SDK1: variants seen among roughly 807,000 people sequenced by gnomAD.
SDK1 encodes the protein sidekick cell adhesion molecule 1, also known as protein sidekick-1.
SDK1 carries 157 observed loss-of-function variants against 245.5 expected under a neutral mutation model. The observed-to-expected ratio is 0.64, with a 90% CI of 0.56 to 0.73. The LOEUF is 0.73. Ranked by LOEUF, SDK1 falls within the 30% of genes least tolerant of loss-of-function variation. SDK1 has a pLI of 0.00. For missense variants in SDK1, 3,583 were observed against 3,002.3 expected (o/e 1.19, Z -4.52); for synonymous variants, 1,647 against 1,278.5 (o/e 1.29, Z -6.15).
chr7:4,176,468 C>G (rs772403208), intron 34 of SDK1, among the ~76,000 whole-genome samples: 6 of 152,186 alleles, frequency 3.9e-5, no homozygotes, highest in Non-Finnish European at 7.3e-5. Context: ...TGCACCCAGC[C>G]TTTCTTTTTT....
At chr7:3,955,945 G>A (rs1781224580) in intron 7 of SDK1, among the ~76,000 whole-genome samples, 1 of 152,190 alleles carries the variant, frequency 6.6e-6, no homozygotes, top group Non-Finnish European at 1.5e-5. Flanking sequence ...GCCCCTGGAG[G>A]CAGCTGCCAT....
chr7:3,646,684 A>G (rs1782848960), intron 4 of SDK1, among the ~76,000 whole-genome samples: 1 of 152,212 alleles, frequency 6.6e-6, no homozygotes, highest in Admixed American at 6.5e-5. Flanking sequence ...TTTTCCATAC[A>G]TTGCTCTAGT....
At chr7:3,480,234 T>C (rs1217467039) in intron 1 of SDK1, among the ~76,000 whole-genome samples, 1 of 152,166 alleles carries the variant, frequency 6.6e-6, no homozygotes, top group Non-Finnish European at 1.5e-5. Flanking sequence ...CAGCAGGTCA[T>C]TGCTGGCTGT....
intron 1 of SDK1, among the ~76,000 whole-genome samples, chr7:3,384,976 C>G (rs192004348): frequency 5.9e-5 from 9 of 152,264 alleles, no homozygotes; most frequent in African/African-American, 1.9e-4. Flanking sequence ...AAAACCCTGT[C>G]CCCTGGCTTA....
At chr7:3,446,652 T>C (rs767871216) in intron 1 of SDK1, among the ~76,000 whole-genome samples, 9 of 152,206 alleles carry the variant, frequency 5.9e-5, no homozygotes, top group Non-Finnish European at 1.2e-4. Flanking sequence ...ATTTGTAGAA[T>C]AAGTTAATAA....
At chr7:3,789,192 G>A (rs901638068) in intron 4 of SDK1, among the ~76,000 whole-genome samples, 2 of 152,028 alleles carry the variant, frequency 1.3e-5, no homozygotes, top group Admixed American at 6.5e-5. Flanking sequence ...CTGTTACCCA[G>A]GCTGGAGTGC....
intron 5 of SDK1, among the ~76,000 whole-genome samples, chr7:3,867,689 A>T (rs560628110): frequency 6.6e-6 from 1 of 152,326 alleles, no homozygotes; most frequent in African/African-American, 2.4e-5. Flanking sequence ...CTCCCACAAT[A>T]CATGGGAATT....
At chr7:4,241,229 C>G (rs960372650) in intron 42 of SDK1, among the ~76,000 whole-genome samples, 5 of 152,168 alleles carry the variant, frequency 3.3e-5, no homozygotes, top group Non-Finnish European at 7.3e-5. Context: ...TGTACCCTTT[C>G]TTTAGCCGTC....
intron 40 of SDK1, among the ~76,000 whole-genome samples, chr7:4,230,913 A>G (rs1785719980): frequency 6.6e-6 from 1 of 152,192 alleles, no homozygotes. Context: ...TGCGTAAGTC[A>G]TTAGAACAGC....
In SDK1 at chr7:3,777,184, T is replaced by C. The variant is rs142014029; in HGVS notation, c.714-44266T>C. Among the ~76,000 whole-genome samples the C allele has an allele frequency of 2.0e-5, 3 of 152,338 alleles. No individual in the cohort carries two copies. In the East Asian group the frequency reaches 5.8e-4, roughly 29 times the overall value. The stretch of plus-strand genomic sequence containing the variant: ...GTAAACTTTGTTGTGATGAAGACTC[T>C]TGAGACGTAAAATGTATGCTCTAAC... On this transcript the variant is annotated intron_variant, in intron 4 of 44. Transcript: ENST00000404826.
intron 1 of SDK1, among the ~76,000 whole-genome samples, chr7:3,309,924 G>C (rs965177776): frequency 3.9e-5 from 6 of 152,156 alleles, no homozygotes; most frequent in African/African-American, 1.4e-4. Flanking sequence ...TTGCAAGCTA[G>C]AAACTCAGTC....
chr7:3,736,872 A>G (rs1469863467), intron 4 of SDK1, among the ~76,000 whole-genome samples: 3 of 152,228 alleles, frequency 2.0e-5, no homozygotes, highest in Non-Finnish European at 2.9e-5. Context: ...ACCACGCTGT[A>G]GCTTAGATCC....
chr7:3,997,221 C>T (rs948709551), intron 14 of SDK1, among the ~76,000 whole-genome samples: 9 of 152,178 alleles, frequency 5.9e-5, no homozygotes, highest in Non-Finnish European at 8.8e-5. Flanking sequence ...CGGTTTTGTC[C>T]GAGTTCTCGT....
chr7:3,366,488 T>A (rs944839516), intron 1 of SDK1, among the ~76,000 whole-genome samples: 1 of 152,158 alleles, frequency 6.6e-6, no homozygotes, highest in African/African-American at 2.4e-5. Flanking sequence ...CCTGCAGAAT[T>A]CCCCTTTATG....
At chr7:3,970,556 CA>C (rs2128132654) in intron 11 of SDK1, among the ~76,000 whole-genome samples, 1 of 152,284 alleles carries the variant, frequency 6.6e-6, no homozygotes, top group South Asian at 2.1e-4. Context: ...TGACCTTGAG[CA>C]GTAGGATATT....
intron 4 of SDK1, among the ~76,000 whole-genome samples, chr7:3,697,916 T>C (rs139252085): frequency 6.6e-6 from 1 of 152,256 alleles, no homozygotes; most frequent in East Asian, 1.9e-4. Flanking sequence ...CTGTGAACAT[T>C]ATATGAAAAG....
At chr7:3,357,648 A>G (rs1349846307) in intron 1 of SDK1, among the ~76,000 whole-genome samples, 2 of 149,736 alleles carry the variant, frequency 1.3e-5, no homozygotes, top group African/African-American at 4.9e-5. Flanking sequence ...CGCCCAGCCC[A>G]CTCCCCTTCC....
At chr7:3,528,372 G>A (rs1362321234) in intron 1 of SDK1, among the ~76,000 whole-genome samples, 1 of 151,770 alleles carries the variant, frequency 6.6e-6, no homozygotes, top group African/African-American at 2.4e-5. Flanking sequence ...CTGGGTGTCA[G>A]CTAGGGGGTG....
chr7:3,890,584 A>T (rs536526007), intron 5 of SDK1, among the ~76,000 whole-genome samples: 1 of 151,904 alleles, frequency 6.6e-6, no homozygotes, highest in Non-Finnish European at 1.5e-5. Context: ...TTGAGTCTCT[A>T]TGGGTAACAT....
Sources: allele counts gnomAD v4.1 joint callset (sites outside exome capture counted in the v4.1 genomes callset), GRCh38; gene constraint gnomAD v4.1.1; transcripts MANE v1.5; gene names NCBI Gene and HGNC (gene_info 2026-07-23, HGNC 2026-07-21).